The following MYO1E variants were observed in gnomAD, a reference collection of about 807,000 sequenced individuals.
The protein encoded by MYO1E is unconventional myosin-Ie.
A neutral mutation model predicts 151.1 loss-of-function variants in MYO1E; 68 were observed. That is an observed-to-expected ratio of 0.45 (90% confidence interval 0.37 to 0.55). MYO1E has a LOEUF of 0.55. MYO1E is among the 20% of genes least tolerant of loss of function. The pLI is 0.00. For synonymous variants in MYO1E, 601 were observed against 501.7 expected (o/e 1.20, Z -2.64); for missense variants, 1,363 against 1,389.3 (o/e 0.98, Z 0.30).
At position 59,208,704 on chromosome 15, in the gene MYO1E, T is replaced by C; in HGVS notation, c.1507A>G (p.Ile503Val). Residue 503 changes from isoleucine to valine, a missense_variant, in exon 14 of 28, where the codon ATC becomes GTC. By Grantham distance (29) the Ile-to-Val change is conservative (BLOSUM62 3). Coordinates refer to ENST00000288235, the MANE Select transcript of MYO1E (RefSeq NM_004998.4). ...ACCTTCCCAGCATAATGATGAATGA[T>C]GAAGCCTTGGTTCCAACTGTTGAAG... is the stretch of plus-strand genomic sequence containing the variant. ...EHFNSWNQGF[I>V]IHHYAGKVSY... 1.2e-6 allele frequency: 2 copies of C among 1,614,244 alleles called. No homozygotes were observed. Among genetic ancestry groups the C allele is most frequent in the South Asian group, 1.1e-5 (1 of 91,084 alleles).
chr15:59,276,357 C>T (rs2080318954), intron 1 of MYO1E, among the ~76,000 whole-genome samples: 1 of 152,156 alleles, frequency 6.6e-6, no homozygotes, highest in African/African-American at 2.4e-5. Flanking sequence ...CAGGTGGATA[C>T]TCAGCAAGGT....
At chr15:59,270,416 T>A (rs2140380939) in intron 2 of MYO1E, among the ~76,000 whole-genome samples, 1 of 151,718 alleles carries the variant, frequency 6.6e-6, no homozygotes, top group African/African-American at 2.4e-5. Flanking sequence ...TCGTGGTGTC[T>A]GCCTGTAGTC....
At chr15:59,252,823 T>C (rs370461613) in intron 4 of MYO1E, among the ~76,000 whole-genome samples, 1 of 151,660 alleles carries the variant, frequency 6.6e-6, no homozygotes, top group African/African-American at 2.4e-5. Flanking sequence ...GAGGCGGAGG[T>C]TGCGGTGAGC....
intron 22 of MYO1E, among the ~76,000 whole-genome samples, chr15:59,169,089 G>A (rs1054150669): frequency 6.6e-6 from 1 of 152,240 alleles, no homozygotes; most frequent in African/African-American, 2.4e-5. Context: ...CTGAATGGTT[G>A]GTTGGTTTGA....
intron 25 of MYO1E, among the ~76,000 whole-genome samples, chr15:59,155,918 G>A (rs1185881728): frequency 6.6e-6 from 1 of 152,156 alleles, no homozygotes; most frequent in East Asian, 1.9e-4. Flanking sequence ...TACCCAGGCT[G>A]GAGTACAGTA....
At chr15:59,327,483 ATTAT>A (rs2080672327) in intron 1 of MYO1E, among the ~76,000 whole-genome samples, 1 of 151,534 alleles carries the variant, frequency 6.6e-6, no homozygotes, top group Non-Finnish European at 1.5e-5. Flanking sequence ...TATTTTTATT[ATTAT>A]TATTATTTAT....
chr15:59,347,296 G>A (rs144517837), intron 1 of MYO1E, among the ~76,000 whole-genome samples: 7 of 152,252 alleles, frequency 4.6e-5, no homozygotes, highest in Non-Finnish European at 7.3e-5. Flanking sequence ...ATCTAATACC[G>A]ATTATCTGAG....
intron 1 of MYO1E, among the ~76,000 whole-genome samples, chr15:59,283,000 A>G (rs1394428273): frequency 9.5e-6 from 1 of 105,152 alleles, no homozygotes; most frequent in Admixed American, 9.7e-5. Flanking sequence ...GGGGAAAGGG[A>G]AAGGCCTGGG....
chr15:59,321,432 A>C (rs1345822617), intron 1 of MYO1E, among the ~76,000 whole-genome samples: 2 of 152,266 alleles, frequency 1.3e-5, no homozygotes, highest in African/African-American at 4.8e-5. Context: ...GAATCAACCT[A>C]GGTGCCCATC....
intron 17 of MYO1E, among the ~76,000 whole-genome samples, chr15:59,194,603 ATTCT>A (rs1330180717): frequency 6.6e-6 from 1 of 152,174 alleles, no homozygotes; most frequent in Non-Finnish European, 1.5e-5. Flanking sequence ...AGAGGTAGCA[ATTCT>A]GGTAGGCTCC....
At chr15:59,300,881 T>C (rs557834141) in intron 1 of MYO1E, among the ~76,000 whole-genome samples, 8 of 149,506 alleles carry the variant, frequency 5.4e-5, no homozygotes, top group Admixed American at 5.3e-4. Flanking sequence ...TTTTTTTTTT[T>C]TTTTGAGACA....
rs147099521 is a variant in MYO1E at position 59,208,653 on chromosome 15, T to C, written c.1530+28A>G. On this transcript the variant is annotated intron_variant, in intron 14 of 27. Coordinates refer to ENST00000288235, the MANE Select transcript of MYO1E (RefSeq NM_004998.4). ...CACAAACCCAAAGGCTTAAAACAGATAGACATTAAAATGGATATTGGCCAT... is the reference window on the plus strand; with the variant it reads ...CACAAACCCAAAGGCTTAAAACAGACAGACATTAAAATGGATATTGGCCAT... 2,990 of 1,613,716 alleles carry C rather than the reference T, an allele frequency of 1.9e-3. 68 individuals carry two copies. In the Admixed American group the frequency reaches 0.042, roughly 23 times the overall value.
rs778006977 is a variant in MYO1E, at chr15:59,199,153, T to G, written c.1698+3173A>C. Among the ~76,000 whole-genome samples, 3 of 152,182 alleles carry G rather than the reference T, an allele frequency of 2.0e-5. No individual in the cohort carries two copies. The South Asian group carries it at 6.2e-4, about 31-fold the overall frequency. On this transcript the variant is annotated intron_variant, in intron 16 of 27. Transcript: ENST00000288235. ...CTCTGTCGCCCAGGCTGGAGTTCAG[T>G]GGCATGATCTCGGCTCACTTGCAAC...
At chr15:59,282,152 C>G (rs577286775) in intron 1 of MYO1E, among the ~76,000 whole-genome samples, 1 of 152,260 alleles carries the variant, frequency 6.6e-6, no homozygotes, top group East Asian at 1.9e-4. Context: ...GTTCGATTTC[C>G]CAAATGCATT....
chr15:59,357,251 G>A (rs534228715), intron 1 of MYO1E, among the ~76,000 whole-genome samples: 25 of 152,082 alleles, frequency 1.6e-4, no homozygotes, highest in African/African-American at 5.8e-4. Context: ...AGTATTGGAA[G>A]TCAAGAAACA....
chr15:59,369,755 T>C (rs1448320744), intron 1 of MYO1E, among the ~76,000 whole-genome samples: 1 of 152,178 alleles, frequency 6.6e-6, no homozygotes, highest in Non-Finnish European at 1.5e-5. Context: ...CTACAAGCTG[T>C]ACACTGTGTT....
At chr15:59,247,309 T>C (rs2080136255) in intron 4 of MYO1E, among the ~76,000 whole-genome samples, 1 of 152,252 alleles carries the variant, frequency 6.6e-6, no homozygotes, top group Admixed American at 6.5e-5. Context: ...ACCTCTGTCC[T>C]ATGGTATATG....
At chr15:59,368,570 C>T (rs577491153) in intron 1 of MYO1E, among the ~76,000 whole-genome samples, 1 of 152,004 alleles carries the variant, frequency 6.6e-6, no homozygotes, top group South Asian at 2.1e-4. Context: ...ATAGTGGAAC[C>T]CCGTCTCCAC....
chr15:59,250,681 G>A (rs1463857484), intron 4 of MYO1E, among the ~76,000 whole-genome samples: 1 of 152,160 alleles, frequency 6.6e-6, no homozygotes. Flanking sequence ...GGGGAGCCCT[G>A]AACATGCAGC....
Sources: gnomAD v4.1 joint callset for allele counts (sites outside exome capture counted in the v4.1 genomes callset) on GRCh38, gnomAD v4.1.1 for gene constraint, MANE v1.5 for transcripts, NCBI Gene and HGNC (gene_info 2026-07-23, HGNC 2026-07-21) for gene names.